The following KCNQ5 variants were observed in gnomAD, a reference collection of about 807,000 sequenced individuals.
KCNQ5 encodes potassium voltage-gated channel subfamily KQT member 5.
Under a neutral mutation model 98.2 loss-of-function variants are expected in KCNQ5, and 30 were observed. The ratio of observed to expected loss-of-function variants is 0.31; its 90% CI spans 0.23 to 0.41. The LOEUF (loss-of-function observed/expected upper bound fraction) is 0.41. Among genes scored for constraint, KCNQ5 ranks in the 10% least tolerant of loss-of-function variants. The pLI, the probability that KCNQ5 is intolerant of heterozygous loss-of-function variation, is 1.00. For missense variants in KCNQ5, 835 were observed against 1,182.5 expected, an observed-to-expected ratio of 0.71 and a Z score of 4.31; for synonymous variants, 458 against 449.4, an observed-to-expected ratio of 1.02 and a Z score of -0.24.
chr6:72,961,061 G>A (rs2150267580), intron 1 of KCNQ5, among the ~76,000 whole-genome samples: 1 of 152,326 alleles, frequency 6.6e-6, no homozygotes, highest in East Asian at 1.9e-4. Flanking sequence ...CTTGAGCCCA[G>A]GAGTTTGAGA....
At chr6:72,817,957 G>C (rs549419082) in intron 1 of KCNQ5, among the ~76,000 whole-genome samples, 2 of 151,978 alleles carry the variant, frequency 1.3e-5, no homozygotes, top group African/African-American at 4.8e-5. Context: ...TGAGGACCAA[G>C]GTGTCCAAGA....
At chr6:72,824,288 C>G (rs2796009) in intron 1 of KCNQ5, among the ~76,000 whole-genome samples, 134,959 of 152,100 alleles carry the variant, frequency 0.89, 60,144 homozygotes, top group East Asian at 0.98. Context: ...TAAATTCCAG[C>G]GGTGGTGGGG....
At chr6:72,778,691 G>A (rs1316760825) in intron 1 of KCNQ5, among the ~76,000 whole-genome samples, 3 of 152,052 alleles carry the variant, frequency 2.0e-5, no homozygotes, top group African/African-American at 7.2e-5. Flanking sequence ...GTATGTATAC[G>A]AAAACATCAT....
intron 1 of KCNQ5, among the ~76,000 whole-genome samples, chr6:72,635,046 T>C (rs1219630033): frequency 6.6e-6 from 1 of 151,700 alleles, no homozygotes; most frequent in Non-Finnish European, 1.5e-5. Context: ...TTTTTTTTTT[T>C]TTGAGACAGA....
chr6:72,646,099 A>T (rs979442170), intron 1 of KCNQ5, among the ~76,000 whole-genome samples: 2 of 152,152 alleles, frequency 1.3e-5, no homozygotes, highest in African/African-American at 4.8e-5. Context: ...TATCCCATGG[A>T]CTATCACCCT....
intron 1 of KCNQ5, among the ~76,000 whole-genome samples, chr6:72,854,448 T>G (rs1463321321): frequency 6.6e-6 from 1 of 151,858 alleles, no homozygotes; most frequent in Non-Finnish European, 1.5e-5. Context: ...AATTTCTTTT[T>G]ACTATTAATA....
intron 1 of KCNQ5, among the ~76,000 whole-genome samples, chr6:72,774,737 C>G (rs929804742): frequency 6.6e-6 from 1 of 152,154 alleles, no homozygotes; most frequent in South Asian, 2.1e-4. Context: ...TGAAAAGGTT[C>G]TCGGCTTAAT....
chr6:72,696,765 G>A (rs868370758), intron 1 of KCNQ5, among the ~76,000 whole-genome samples: 19 of 152,086 alleles, frequency 1.2e-4, no homozygotes, highest in African/African-American at 3.9e-4. Context: ...CCTTTGCATA[G>A]GAACACTCCC....
chr6:72,798,733 C>T (rs1774476169), intron 1 of KCNQ5, among the ~76,000 whole-genome samples: 1 of 152,082 alleles, frequency 6.6e-6, no homozygotes, highest in Admixed American at 6.6e-5. Flanking sequence ...CAGTTAGGTG[C>T]ACAGAATGGG....
intron 1 of KCNQ5, among the ~76,000 whole-genome samples, chr6:72,874,646 C>T (rs1028245838): frequency 2.0e-5 from 3 of 152,070 alleles, no homozygotes; most frequent in African/African-American, 7.2e-5. Context: ...CTACATTTTA[C>T]TGAGTGCCTG....
intron 1 of KCNQ5, among the ~76,000 whole-genome samples, chr6:72,650,542 G>C (rs1388944558): frequency 1.3e-5 from 2 of 152,148 alleles, no homozygotes; most frequent in South Asian, 2.1e-4. Context: ...TGCCAGGAGA[G>C]TAAATGAGTG....
At chr6:72,752,762 G>A (rs1034764949) in intron 1 of KCNQ5, among the ~76,000 whole-genome samples, 5 of 152,064 alleles carry the variant, frequency 3.3e-5, no homozygotes, top group African/African-American at 1.2e-4. Flanking sequence ...CTGTATTTCT[G>A]TCCTAATAAC....
At chr6:72,930,932 A>G (rs1397179470) in intron 1 of KCNQ5, among the ~76,000 whole-genome samples, 1 of 152,116 alleles carries the variant, frequency 6.6e-6, no homozygotes, top group Non-Finnish European at 1.5e-5. Context: ...TATTTTAATC[A>G]CTGTTAGTCA....
intron 1 of KCNQ5, among the ~76,000 whole-genome samples, chr6:72,806,324 G>C (rs1243863028): frequency 6.6e-6 from 1 of 152,080 alleles, no homozygotes; most frequent in Non-Finnish European, 1.5e-5. Flanking sequence ...AATCCAAAAA[G>C]TGACAAAAGC....
chr6:72,659,449 T>C (rs560063711), intron 1 of KCNQ5, among the ~76,000 whole-genome samples: 2 of 152,296 alleles, frequency 1.3e-5, no homozygotes, highest in South Asian at 2.1e-4. Context: ...CAAAATACCA[T>C]AGACTGGATA....
In KCNQ5 at chr6:72,622,139, T is replaced by A; in HGVS notation, c.-51T>A. 8.3e-7 allele frequency: 1 copy of A among 1,207,946 alleles called. No homozygotes were observed. Among genetic ancestry groups the A allele is most frequent in the South Asian group, 4.2e-5 (1 of 23,792 alleles). 74.8% of individuals were successfully genotyped at this position (1,207,946 alleles called of 1,614,324 possible). A position where few individuals can be genotyped will look rare whatever the true frequency, so the allele number is the denominator to read the frequency against. On this transcript the variant is annotated 5_prime_UTR_variant, in exon 1 of 14. Coordinates refer to ENST00000370398, the MANE Select transcript of KCNQ5 (RefSeq NM_019842.4). This position sits in a 1 kb window ranked among gnomAD's most constrained non-coding sequence, Gnocchi z 6.0. ...AACCCGCCGGCGCACATGAGGCCGC[T>A]GCCCCCGCCGCAGGCGCTGGCGGCC...
intron 1 of KCNQ5, among the ~76,000 whole-genome samples, chr6:72,650,903 G>C (rs1236693404): frequency 1.3e-5 from 2 of 152,090 alleles, no homozygotes; most frequent in Non-Finnish European, 2.9e-5. Flanking sequence ...CCATGGAGGA[G>C]AGGATGGTCA....
intron 10 of KCNQ5, among the ~76,000 whole-genome samples, chr6:73,167,489 C>A (rs77753235): frequency 0.022 from 3,310 of 152,284 alleles, 64 homozygotes; most frequent in East Asian, 0.098. Flanking sequence ...ACCTTCATGG[C>A]CTCAGATGAG....
intron 1 of KCNQ5, among the ~76,000 whole-genome samples, chr6:72,751,398 C>CTGAGA (rs1491339764): frequency 1.3e-5 from 2 of 151,736 alleles, no homozygotes; most frequent in African/African-American, 4.8e-5. Flanking sequence ...TACTACAGCA[C>CTGAGA]TGAGATGAGT....
Sources: allele counts gnomAD v4.1 joint callset (sites outside exome capture counted in the v4.1 genomes callset), GRCh38; gene constraint gnomAD v4.1.1; non-coding constraint Gnocchi (gnomAD v3.1); transcripts MANE v1.5; gene names NCBI Gene and HGNC (gene_info 2026-07-23, HGNC 2026-07-21).